ZSCAN1: variants seen among roughly 807,000 people sequenced by gnomAD.
ZSCAN1 encodes zinc finger and SCAN domain containing 1, also known as zinc finger and SCAN domain-containing protein 1.
ZSCAN1 carries 23 observed loss-of-function variants against 23.8 expected under a neutral mutation model. The ratio of observed to expected loss-of-function variants is 0.97; its 90% confidence interval spans 0.70 to 1.37. ZSCAN1 has a LOEUF of 1.37. Ranked by LOEUF, ZSCAN1 falls within the 40% of genes most tolerant of loss-of-function variation. The pLI is 0.00. For synonymous variants in ZSCAN1, 236 were observed against 232.3 expected (o/e 1.02, Z -0.15); for missense variants, 575 against 554.0 (o/e 1.04, Z -0.38).
Position 58,045,463 on chromosome 19 carries a change from G to A in ZSCAN1, c.465+4919G>A. ...TTCTCTGTGTTTTTCCAGAAGATCC[G>A]GGAGACGGGGGAGAGGCCCAGCAAT... On this transcript the variant is annotated intron_variant, in intron 4 of 5. Coordinates refer to ENST00000282326, the MANE Select transcript of ZSCAN1 (RefSeq NM_182572.4). The surrounding 1 kb of genome is among the most constrained non-coding windows in gnomAD (Gnocchi z 4.3). 5.7e-6 allele frequency: 7 copies of A among 1,217,956 alleles called. No homozygotes were observed. The highest frequency in any genetic ancestry group is 3.6e-5 in the South Asian group (3 of 83,272). 75.4% of individuals were successfully genotyped at this position (1,217,956 alleles called of 1,614,324 possible).
In ZSCAN1 at chr19:58,040,193, C is replaced by T. The variant is rs1311906525; in HGVS notation, c.371-257C>T. On this transcript the variant is annotated intron_variant, in intron 3 of 5. Coordinates refer to ENST00000282326, the MANE Select transcript of ZSCAN1 (RefSeq NM_182572.4). This position sits in a 1 kb window ranked among gnomAD's most constrained non-coding sequence, Gnocchi z 5.8. ...TAGTCAGTGCTGCAGTGTGTGTCCT[C>T]GTGGGCTTCTGGAGGCGCACAGGGG... 3.3e-5 allele frequency among the ~76,000 whole-genome samples: 5 copies of T among 152,288 alleles called. No homozygotes were observed. The highest frequency in any genetic ancestry group is 2.1e-4 in the South Asian group (1 of 4,824).
Position 58,052,647 on chromosome 19 carries a change from T to C in ZSCAN1, c.604+19T>C. 1.9e-6 allele frequency: 3 copies of C among 1,573,616 alleles called. No individual in the cohort carries two copies. Among genetic ancestry groups the C allele is most frequent in the Middle Eastern group, 3.4e-4 (2 of 5,850 alleles). On this transcript the variant is annotated intron_variant, in intron 5 of 5. Coordinates refer to ENST00000282326, the MANE Select transcript of ZSCAN1 (RefSeq NM_182572.4). ...TTGCTGGGTGAGTCTGGCTCCTGTG[T>C]GGATTAAGGGTTGGAAATGGAGTTT... is the stretch of plus-strand genomic sequence containing the variant.
In ZSCAN1 at chr19:58,040,732, G is replaced by A. The variant is rs527394909; in HGVS notation, c.465+188G>A. 6.6e-5 allele frequency among the ~76,000 whole-genome samples: 10 copies of A among 152,322 alleles called. No individual in the cohort carries two copies. The East Asian group carries it at 1.7e-3, about 26-fold the overall frequency. On this transcript the variant is annotated intron_variant, in intron 4 of 5. Coordinates refer to ENST00000282326, the MANE Select transcript of ZSCAN1 (RefSeq NM_182572.4). The surrounding 1 kb of genome is among the most constrained non-coding windows in gnomAD (Gnocchi z 5.8). ...AGCTTCCTGGGGCTCAGTGCTGGGC[G>A]AGGGCAGTCAGTGCAGCTGTGTGTT...
Position 58,045,825 on chromosome 19 carries a change from C to T in ZSCAN1, c.465+5281C>T, listed in dbSNP as rs1599905451. ...CATCGCTGCTCATCCTGTCCCGGAC[C>T]ATGTAGCTCCCGGACACCCTCTTGC... On this transcript the variant is annotated intron_variant, in intron 4 of 5. Transcript: ENST00000282326. The surrounding 1 kb of genome is among the most constrained non-coding windows in gnomAD (Gnocchi z 4.3). The T allele has an allele frequency of 2.8e-6, 4 of 1,445,242 alleles. No individual in the cohort carries two copies. The East Asian group carries it at 9.1e-5, about 33-fold the overall frequency. 89.5% of individuals were successfully genotyped at this position (1,445,242 alleles called of 1,614,324 possible).
rs1049815211 is a variant in ZSCAN1 at position 58,049,439 on chromosome 19, G to A, written c.466-3051G>A. 4 of 152,320 alleles carry A rather than the reference G, an allele frequency of 2.6e-5. No homozygotes were observed. Among genetic ancestry groups the A allele is most frequent in the African/African-American group, 9.7e-5 (4 of 41,432 alleles). 9.4% of individuals were successfully genotyped at this position (152,320 alleles called of 1,614,324 possible). On this transcript the variant is annotated intron_variant, in intron 4 of 5. Transcript: ENST00000282326. This position sits in a 1 kb window ranked among gnomAD's most constrained non-coding sequence, Gnocchi z 4.5. Reference sequence around the variant, plus strand: ...TGTATTGGTTGTGGTACTCATTCAGGTCTTTGCTGGTGGAGAAGTTGTAGG... The same window carrying A: ...TGTATTGGTTGTGGTACTCATTCAGATCTTTGCTGGTGGAGAAGTTGTAGG...
chr19:58,052,110 G>T (rs2073861356), intron 4 of ZSCAN1, among the ~76,000 whole-genome samples: 1 of 152,248 alleles, frequency 6.6e-6, no homozygotes, highest in African/African-American at 2.4e-5. Context: ...TGTGGCACAG[G>T]TCCCCTGGCT....
At chr19:58,050,543 A>G (rs572973591) in intron 4 of ZSCAN1, among the ~76,000 whole-genome samples, 108 of 151,996 alleles carry the variant, frequency 7.1e-4, no homozygotes, top group Non-Finnish European at 1.4e-3. Flanking sequence ...TTTGTTTGAG[A>G]CGGCGTCTCG....
At chr19:58,046,203 C>T in intron 4 of ZSCAN1, 1 of 764,022 alleles carries the variant, frequency 1.3e-6, no homozygotes. Context: ...AGATCAGCAT[C>T]CTCAGCAATG....
intron 1 of ZSCAN1, among the ~76,000 whole-genome samples, chr19:58,034,551 C>T (rs571998469): frequency 2.0e-5 from 3 of 151,966 alleles, no homozygotes; most frequent in Non-Finnish European, 4.4e-5. Flanking sequence ...CCTTCCACAC[C>T]TGATCAGCAT....
chr19:58,035,670 G>A (rs1000604168), intron 1 of ZSCAN1, among the ~76,000 whole-genome samples: 1 of 152,218 alleles, frequency 6.6e-6, no homozygotes, highest in African/African-American at 2.4e-5. Context: ...GCCTTGGCAG[G>A]GAAGACCAAG....
chr19:58,038,985 T>C (rs546843481), intron 3 of ZSCAN1, among the ~76,000 whole-genome samples: 1 of 152,322 alleles, frequency 6.6e-6, no homozygotes, highest in Non-Finnish European at 1.5e-5. Flanking sequence ...AAGGGTTGCA[T>C]CAGAGCTCAC....
intron 4 of ZSCAN1, chr19:58,044,849 G>C: frequency 1.3e-6 from 1 of 765,376 alleles, no homozygotes. Context: ...AGAGCGCCAT[G>C]GACCTCCACC....
intron 1 of ZSCAN1, among the ~76,000 whole-genome samples, chr19:58,035,025 C>G (rs941937118): frequency 6.6e-6 from 1 of 151,978 alleles, no homozygotes; most frequent in Non-Finnish European, 1.5e-5. Flanking sequence ...ATTTGGGGCT[C>G]GGGCTGCAGA....
intron 4 of ZSCAN1, among the ~76,000 whole-genome samples, chr19:58,048,326 A>G (rs1337396535): frequency 6.6e-6 from 1 of 152,240 alleles, no homozygotes; most frequent in Non-Finnish European, 1.5e-5. Flanking sequence ...TAATTAGTAT[A>G]CTAACTGCCC....
At position 58,052,605 on chromosome 19, in the gene ZSCAN1, C is replaced by T. The variant is rs144488549; in HGVS notation, c.581C>T (p.Ala194Val). Residue 194 changes from alanine to valine, a missense_variant, in exon 5 of 6, where the codon GCG becomes GTG. Physicochemically the swap from Ala to Val is moderately conservative, Grantham distance 64. Transcript: ENST00000282326. ...CTGCACACCAGGGCGGAGGCCGAAGCGCCCCGCGCCCCTGGCTTGCTGGGT... is the reference window on the plus strand; with the variant it reads ...CTGCACACCAGGGCGGAGGCCGAAGTGCCCCGCGCCCCTGGCTTGCTGGGT... The part of the protein sequence containing the change: ...QSLHTRAEAE[A>V]PRAPGLLGSR... The T allele has an allele frequency of 2.1e-5, 34 of 1,606,534 alleles. No homozygotes were observed. Among genetic ancestry groups the T allele is most frequent in the South Asian group, 3.3e-5 (3 of 90,380 alleles).
In ZSCAN1 at chr19:58,040,429, C is replaced by T. The variant is rs1465470969; in HGVS notation, c.371-21C>T. ...CTCTGGGAAGAACAGGCCCCTCTCA[C>T]GATCCCTTTCTCCCGCACAGTTCTG... is the stretch of plus-strand genomic sequence containing the variant. On this transcript the variant is annotated intron_variant, in intron 3 of 5. Coordinates refer to ENST00000282326, the MANE Select transcript of ZSCAN1 (RefSeq NM_182572.4). This position sits in a 1 kb window ranked among gnomAD's most constrained non-coding sequence, Gnocchi z 5.8. 6.2e-6 allele frequency: 10 copies of T among 1,612,442 alleles called. No homozygotes were observed. Among genetic ancestry groups the T allele is most frequent in the South Asian group, 2.2e-5 (2 of 91,064 alleles).
At chr19:58,044,923 C>T (rs2073814927) in intron 4 of ZSCAN1, 3 of 896,672 alleles carry the variant, frequency 3.3e-6, no homozygotes, top group Admixed American at 1.8e-5. Flanking sequence ...CTCTTCGCGC[C>T]CTGTTGGTGA....
At chr19:58,046,501 G>A (rs2073827248) in intron 4 of ZSCAN1, 26 of 901,538 alleles carry the variant, frequency 2.9e-5, no homozygotes, top group South Asian at 2.9e-4. Context: ...GGGGGAGAAC[G>A]TCATCAGTGT....
rs1268881191 is a variant in ZSCAN1 at position 58,040,332 on chromosome 19, C to T, written c.371-118C>T. On this transcript the variant is annotated intron_variant, in intron 3 of 5. Transcript: ENST00000282326. The surrounding 1 kb of genome is among the most constrained non-coding windows in gnomAD (Gnocchi z 5.8). ...ATGACAGCCCTGCAGCCACTCTTGC[C>T]TGCGCCTCAGGGGTGCTGCAGGGAT... is the stretch of plus-strand genomic sequence containing the variant. 2.9e-6 allele frequency: 3 copies of T among 1,041,090 alleles called. No homozygotes were observed. In the African/African-American group the frequency reaches 4.7e-5, roughly 16 times the overall value. 64.5% of individuals were successfully genotyped at this position (1,041,090 alleles called of 1,614,324 possible). A position where few individuals can be genotyped will look rare whatever the true frequency, so the allele number is the denominator to read the frequency against.
Sources: gnomAD v4.1 joint callset for allele counts (sites outside exome capture counted in the v4.1 genomes callset) on GRCh38, gnomAD v4.1.1 for gene constraint, Gnocchi (gnomAD v3.1) non-coding constraint, MANE v1.5 for transcripts, NCBI Gene and HGNC (gene_info 2026-07-23, HGNC 2026-07-21) for gene names.